Variants in PIBF1 observed in about 807,000 individuals in gnomAD.
PIBF1 encodes the protein progesterone immunomodulatory binding factor 1.
A neutral mutation model predicts 112.5 loss-of-function variants in PIBF1; 90 were observed. That is an observed-to-expected ratio of 0.80 (90% CI 0.67 to 0.95). PIBF1 has a LOEUF of 0.95. Among genes scored for constraint, PIBF1 ranks in the 40% least tolerant of loss-of-function variants. The probability of loss-of-function intolerance (pLI) is 0.00; values close to 1 mark genes in which losing one functional copy is unlikely to be tolerated. For missense variants in PIBF1, 915 were observed against 852.3 expected (o/e 1.07, Z -0.92); for synonymous variants, 301 against 288.6 (o/e 1.04, Z -0.44).
intron 2 of PIBF1, among the ~76,000 whole-genome samples, chr13:72,784,235 G>A (rs185098167): frequency 1.4e-5 from 2 of 146,738 alleles, no homozygotes; most frequent in Non-Finnish European, 3.0e-5. Flanking sequence ...TCAGGAGTTT[G>A]AGACCAACCT....
intron 9 of PIBF1, chr13:72,836,027 A>G: frequency 2.4e-6 from 1 of 417,816 alleles, no homozygotes; most frequent in South Asian, 1.8e-5. Context: ...TGAACCGGGG[A>G]CACAGAGCTT....
intron 13 of PIBF1, among the ~76,000 whole-genome samples, chr13:72,919,354 G>C (rs529497195): frequency 6.6e-6 from 1 of 152,224 alleles, no homozygotes; most frequent in Admixed American, 6.5e-5. Context: ...GAGCTGAATA[G>C]AAAGTATATA....
At chr13:72,999,076 A>G in intron 17 of PIBF1, 81 bp downstream of exon 17, 1 of 873,364 alleles carries the variant, frequency 1.1e-6, no homozygotes, top group South Asian at 1.8e-5. Context: ...TTCCTTTTAC[A>G]TTTATGAAAT....
At chr13:72,802,217 A>G (rs1175394928) in intron 5 of PIBF1, among the ~76,000 whole-genome samples, 2 of 152,146 alleles carry the variant, frequency 1.3e-5, no homozygotes, top group Non-Finnish European at 2.9e-5. Flanking sequence ...CCAAGGGTCA[A>G]GTCTATTTAA....
At chr13:72,865,108 T>G (rs2038868650) in intron 10 of PIBF1, among the ~76,000 whole-genome samples, 1 of 152,182 alleles carries the variant, frequency 6.6e-6, no homozygotes, top group African/African-American at 2.4e-5. Context: ...CTGTTAACAT[T>G]ATCTTAAAAA....
At chr13:72,836,596 T>C (rs2037372300) in intron 9 of PIBF1, among the ~76,000 whole-genome samples, 2 of 152,316 alleles carry the variant, frequency 1.3e-5, no homozygotes, top group African/African-American at 2.4e-5. Flanking sequence ...TTTAAATTAC[T>C]GTTAAATTGT....
intron 10 of PIBF1, among the ~76,000 whole-genome samples, chr13:72,892,004 A>G (rs1404204582): frequency 6.6e-6 from 1 of 152,106 alleles, no homozygotes; most frequent in East Asian, 1.9e-4. Flanking sequence ...CAAAAAGTAG[A>G]TCAGTGGTTG....
At chr13:72,794,881 T>A (rs1799194340) in intron 3 of PIBF1, among the ~76,000 whole-genome samples, 1 of 152,230 alleles carries the variant, frequency 6.6e-6, no homozygotes, top group Admixed American at 6.5e-5. Flanking sequence ...AACAATAATG[T>A]CTGCTACATG....
At chr13:72,856,041 T>C (rs1344953553) in intron 10 of PIBF1, among the ~76,000 whole-genome samples, 1 of 152,204 alleles carries the variant, frequency 6.6e-6, no homozygotes, top group Non-Finnish European at 1.5e-5. Context: ...AATTTATATT[T>C]ATCGTAAGCT....
chr13:73,009,204 C>A (rs2044125026), intron 17 of PIBF1, among the ~76,000 whole-genome samples: 2 of 152,300 alleles, frequency 1.3e-5, no homozygotes, highest in Admixed American at 1.3e-4. Context: ...CTAAGTCCTA[C>A]CCAACATCTT....
intron 14 of PIBF1, among the ~76,000 whole-genome samples, chr13:72,962,954 A>C (rs1187539580): frequency 1.3e-5 from 2 of 152,230 alleles, no homozygotes; most frequent in Non-Finnish European, 2.9e-5. Flanking sequence ...ACGGAATATT[A>C]ATAGAATAGA....
intron 3 of PIBF1, 27 bp from the exon 4 acceptor site, chr13:72,795,332 C>T (rs925590438): frequency 1.8e-5 from 25 of 1,381,564 alleles, no homozygotes; most frequent in Non-Finnish European, 2.4e-5. Context: ...TTTTTTAAAG[C>T]CTGCCATAAA....
intron 5 of PIBF1, among the ~76,000 whole-genome samples, chr13:72,817,455 T>G (rs999185972): frequency 3.9e-5 from 6 of 152,326 alleles, no homozygotes; most frequent in East Asian, 1.9e-4. Context: ...TTTTTTTGCT[T>G]CTTTTGTTTT....
At chr13:72,880,133 A>G (rs1431426013) in intron 10 of PIBF1, among the ~76,000 whole-genome samples, 1 of 152,182 alleles carries the variant, frequency 6.6e-6, no homozygotes, top group Non-Finnish European at 1.5e-5. Context: ...TCGAGATATC[A>G]GCATGCATAT....
At chr13:72,869,558 T>C (rs1271764059) in intron 10 of PIBF1, among the ~76,000 whole-genome samples, 1 of 151,878 alleles carries the variant, frequency 6.6e-6, no homozygotes, top group Non-Finnish European at 1.5e-5. Context: ...ATGGCACATA[T>C]ATACATGTGT....
chr13:72,797,768 G>T, intron 4 of PIBF1, 139 bp from the exon 5 acceptor site: 1 of 601,606 alleles, frequency 1.7e-6, no homozygotes, highest in Non-Finnish European at 2.8e-6. Flanking sequence ...AAGTATTAGT[G>T]GCTAGGGTCC....
intron 15 of PIBF1, among the ~76,000 whole-genome samples, chr13:72,968,057 G>A (rs34345724): frequency 0.2 from 30,640 of 150,906 alleles, 3,259 homozygotes; most frequent in East Asian, 0.27. Context: ...AGTGGCGGGC[G>A]CCTGTAGTCC....
At chr13:72,816,767 A>G (rs1259832919) in intron 5 of PIBF1, among the ~76,000 whole-genome samples, 1 of 151,322 alleles carries the variant, frequency 6.6e-6, no homozygotes, top group Non-Finnish European at 1.5e-5. Flanking sequence ...AAAATTTAGC[A>G]TGTAATAGAA....
At chr13:72,970,205 C>A (rs1393520717) in intron 15 of PIBF1, among the ~76,000 whole-genome samples, 1 of 151,990 alleles carries the variant, frequency 6.6e-6, no homozygotes, top group African/African-American at 2.4e-5. Flanking sequence ...AAAATGAAAT[C>A]ATCATAAACA....
Sources: allele counts gnomAD v4.1 joint callset (sites outside exome capture counted in the v4.1 genomes callset), GRCh38; gene constraint gnomAD v4.1.1; transcripts MANE v1.5; gene names NCBI Gene and HGNC (gene_info 2026-07-23, HGNC 2026-07-21).